The following SUCLG2 variants were observed in gnomAD, a reference collection of about 807,000 sequenced individuals.
SUCLG2 encodes succinate-CoA ligase GDP-forming subunit beta.
In SUCLG2, 42 loss-of-function variants were observed where a neutral mutation model predicts 47.9. The ratio of observed to expected loss-of-function variants is 0.88; its 90% CI spans 0.69 to 1.14. The LOEUF (loss-of-function observed/expected upper bound fraction) is 1.14, where lower values mean the gene tolerates loss of function less well. SUCLG2 is among the 50% of genes most tolerant of loss of function. The probability of loss-of-function intolerance (pLI) is 0.00; values close to 1 mark genes in which losing one functional copy is unlikely to be tolerated. For missense variants in SUCLG2, 571 were observed against 525.9 expected (o/e 1.09, Z -0.84); for synonymous variants, 195 against 197.3 (o/e 0.99, Z 0.10).
At position 67,609,443 on chromosome 3, in the gene SUCLG2, G is replaced by C; in HGVS notation, c.226+12C>G. 1.9e-6 allele frequency: 3 copies of C among 1,608,250 alleles called. No individual in the cohort carries two copies. Among genetic ancestry groups the C allele is most frequent in the South Asian group, 1.1e-5 (1 of 90,370 alleles). Reference sequence around the variant, plus strand: ...TGGGCAAGTGTATTTCACCCATTATGAATCAGCTTACTTAGTCTCTTAGCA... The same window carrying C: ...TGGGCAAGTGTATTTCACCCATTATCAATCAGCTTACTTAGTCTCTTAGCA... On this transcript the variant is annotated intron_variant, in intron 2 of 10. Transcript: ENST00000307227.
At chr3:67,636,918 C>T (rs1360519553) in intron 1 of SUCLG2, among the ~76,000 whole-genome samples, 1 of 152,002 alleles carries the variant, frequency 6.6e-6, no homozygotes, top group Non-Finnish European at 1.5e-5. Context: ...GGCAGAGCCT[C>T]TTAACTCTGA....
intron 10 of SUCLG2, among the ~76,000 whole-genome samples, chr3:67,361,072 TA>T (rs964778919): frequency 8.6e-5 from 13 of 151,988 alleles, no homozygotes; most frequent in African/African-American, 3.1e-4. Flanking sequence ...AATTTTCTTA[TA>T]AAACAGATAA....
At chr3:67,460,452 A>G (rs1368462184) in intron 9 of SUCLG2, among the ~76,000 whole-genome samples, 1 of 152,150 alleles carries the variant, frequency 6.6e-6, no homozygotes, top group Non-Finnish European at 1.5e-5. Flanking sequence ...GGTTTTCATT[A>G]ACTCCATTTT....
intron 1 of SUCLG2, among the ~76,000 whole-genome samples, chr3:67,622,794 CAT>C (rs1483924563): frequency 1.3e-5 from 2 of 152,214 alleles, no homozygotes; most frequent in Admixed American, 6.5e-5. Context: ...CCATGTGACA[CAT>C]GAGTAACTGA....
rs74380668 is a variant in SUCLG2, at chr3:67,650,329, G to C, written c.84+4174C>G. Among the ~76,000 whole-genome samples, 6 of 152,204 alleles carry C rather than the reference G, an allele frequency of 3.9e-5. No homozygotes were observed. The East Asian group carries it at 1.2e-3, about 29-fold the overall frequency. ...CACTTCCGTAAAGGCAGAAAATTAG[G>C]CTGGAGCCATTCTTTCTGAGTATAC... is the stretch of plus-strand genomic sequence containing the variant. On this transcript the variant is annotated intron_variant, in intron 1 of 10. Coordinates refer to ENST00000307227, the MANE Select transcript of SUCLG2 (RefSeq NM_003848.4).
intron 2 of SUCLG2, among the ~76,000 whole-genome samples, chr3:67,560,098 A>G (rs533568144): frequency 2.5e-4 from 38 of 152,184 alleles, no homozygotes; most frequent in South Asian, 1.0e-3. Flanking sequence ...CTCTAAGTCC[A>G]TGTTAGGAGT....
intron 2 of SUCLG2, among the ~76,000 whole-genome samples, chr3:67,544,357 G>A (rs1333668628): frequency 6.6e-6 from 1 of 152,076 alleles, no homozygotes; most frequent in African/African-American, 2.4e-5. Flanking sequence ...TGGATCATGG[G>A]GATGATTTCC....
At chr3:67,588,445 G>A (rs1708079746) in intron 2 of SUCLG2, among the ~76,000 whole-genome samples, 1 of 152,134 alleles carries the variant, frequency 6.6e-6, no homozygotes. Context: ...TTTCAAGAAG[G>A]TGTTTTAGTA....
chr3:67,607,545 AC>A (rs1700443619), intron 2 of SUCLG2, among the ~76,000 whole-genome samples: 2 of 152,104 alleles, frequency 1.3e-5, no homozygotes, highest in African/African-American at 2.4e-5. Context: ...TCTGTATGCC[AC>A]AGGTGGGGAT....
intron 2 of SUCLG2, among the ~76,000 whole-genome samples, chr3:67,598,739 A>C (rs1168582355): frequency 6.6e-6 from 1 of 152,188 alleles, no homozygotes; most frequent in Non-Finnish European, 1.5e-5. Context: ...AGCAAAAAGC[A>C]CATCATCTAC....
chr3:67,573,752 G>C (rs973243860), intron 2 of SUCLG2, among the ~76,000 whole-genome samples: 2 of 152,086 alleles, frequency 1.3e-5, no homozygotes, highest in Non-Finnish European at 2.9e-5. Flanking sequence ...TCAGGGACTT[G>C]GCCTGGTGAG....
chr3:67,606,134 G>A (rs1385845157), intron 2 of SUCLG2, among the ~76,000 whole-genome samples: 1 of 152,142 alleles, frequency 6.6e-6, no homozygotes, highest in Non-Finnish European at 1.5e-5. Context: ...GAGCCCAGGA[G>A]TTCGAGATTG....
At chr3:67,502,284 T>G (rs1272761426) in intron 7 of SUCLG2, among the ~76,000 whole-genome samples, 1 of 152,234 alleles carries the variant, frequency 6.6e-6, no homozygotes, top group Non-Finnish European at 1.5e-5. Context: ...TGTTTGTTTT[T>G]CCCTATTATA....
intron 1 of SUCLG2, among the ~76,000 whole-genome samples, chr3:67,652,900 A>G (rs1374120431): frequency 6.6e-6 from 1 of 152,208 alleles, no homozygotes; most frequent in African/African-American, 2.4e-5. Flanking sequence ...TCTATCTTTA[A>G]AAAAACCTAC....
intron 9 of SUCLG2, among the ~76,000 whole-genome samples, chr3:67,451,393 A>C (rs1704052687): frequency 6.6e-6 from 1 of 152,234 alleles, no homozygotes. Context: ...TTTCGTAAGT[A>C]AGTCTTAAGA....
At chr3:67,629,780 G>A (rs1700895284) in intron 1 of SUCLG2, among the ~76,000 whole-genome samples, 1 of 152,156 alleles carries the variant, frequency 6.6e-6, no homozygotes, top group Admixed American at 6.5e-5. Flanking sequence ...AGGTATGGCT[G>A]AAAGGAGCTT....
chr3:67,396,150 A>T (rs1355631092), intron 10 of SUCLG2, among the ~76,000 whole-genome samples: 2 of 152,166 alleles, frequency 1.3e-5, no homozygotes, highest in African/African-American at 2.4e-5. Context: ...AAGCTAGCAG[A>T]AGGCAGGAAA....
intron 2 of SUCLG2, among the ~76,000 whole-genome samples, chr3:67,592,249 C>T (rs1482164573): frequency 6.6e-6 from 1 of 152,148 alleles, no homozygotes; most frequent in Non-Finnish European, 1.5e-5. Context: ...TGAAGAACTG[C>T]CAGGAACTTG....
rs373465263 is a variant in SUCLG2 at position 67,573,731 on chromosome 3, G to A, written c.226+35724C>T. Among the ~76,000 whole-genome samples, 49 of 152,260 alleles carry A rather than the reference G, an allele frequency of 3.2e-4. No homozygotes were observed. In the East Asian group the frequency reaches 7.3e-3, roughly 23 times the overall value. On this transcript the variant is annotated intron_variant, in intron 2 of 10. Transcript: ENST00000307227. The stretch of plus-strand genomic sequence containing the variant: ...ACCTGGGATTCAAACGGCCTGGTGG[G>A]AAGCGCTCTATCAGGGACTTGGCCT...
Sources: gnomAD v4.1 joint callset for allele counts (sites outside exome capture counted in the v4.1 genomes callset) on GRCh38, gnomAD v4.1.1 for gene constraint, MANE v1.5 for transcripts, NCBI Gene and HGNC (gene_info 2026-07-23, HGNC 2026-07-21) for gene names.